RAI14: variants seen among roughly 807,000 people sequenced by gnomAD.
RAI14 encodes ankycorbin.
RAI14 carries 45 observed loss-of-function variants against 115.4 expected under a neutral mutation model. The ratio of observed to expected loss-of-function variants is 0.39; its 90% CI spans 0.31 to 0.50. The LOEUF (loss-of-function observed/expected upper bound fraction) is 0.50, where lower values mean the gene tolerates loss of function less well. Ranked by LOEUF, RAI14 falls within the 20% of genes least tolerant of loss-of-function variation. The pLI is 0.85. For missense variants in RAI14, 939 were observed against 1,131.2 expected (o/e 0.83, Z 2.44); for synonymous variants, 371 against 415.4 (o/e 0.89, Z 1.30).
At chr5:34,812,315 T>G (rs964273597) in intron 10 of RAI14, 107 bp downstream of exon 10, 1 of 993,906 alleles carries the variant, frequency 1.0e-6, no homozygotes, top group South Asian at 1.6e-5. Flanking sequence ...AAAGACTATA[T>G]TGAAAATACT....
At chr5:34,701,815 T>C (rs986282768) in intron 2 of RAI14, among the ~76,000 whole-genome samples, 5 of 141,974 alleles carry the variant, frequency 3.5e-5, no homozygotes, top group African/African-American at 1.3e-4. Flanking sequence ...TGACTCTCCC[T>C]TTTTTTTTTT....
At position 34,663,449 on chromosome 5, in the gene RAI14, G is replaced by A. The variant is rs557608002; in HGVS notation, c.-49+6974G>A. On this transcript the variant is annotated intron_variant, in intron 1 of 17. Coordinates refer to ENST00000265109, the MANE Select transcript of RAI14 (RefSeq NM_015577.3). The stretch of plus-strand genomic sequence containing the variant: ...GAGGATCACCTCAACCCATGAGATC[G>A]AGGGTTGCAGTGAGCCAAAATCTTA... Among the ~76,000 whole-genome samples, 163 of 152,258 alleles carry A rather than the reference G, an allele frequency of 1.1e-3. 1 individual carries two copies. The highest frequency in any genetic ancestry group is 3.8e-3 in the African/African-American group (158 of 41,544).
At chr5:34,772,729 C>A (rs1276007439) in intron 3 of RAI14, among the ~76,000 whole-genome samples, 1 of 152,104 alleles carries the variant, frequency 6.6e-6, no homozygotes, top group East Asian at 1.9e-4. Context: ...TCCGTTGGTC[C>A]CTCCATCATT....
chr5:34,720,392 C>G lies in RAI14; in HGVS notation c.36+33437C>G, dbSNP rs546273218. Among the ~76,000 whole-genome samples, 3 of 149,452 alleles carry G rather than the reference C, an allele frequency of 2.0e-5. No individual in the cohort carries two copies. In the South Asian group the frequency reaches 6.4e-4, roughly 32 times the overall value. On this transcript the variant is annotated intron_variant, in intron 2 of 17. Transcript: ENST00000265109. ...AGACTCTGAAAGTCATTCTATGACC[C>G]TGTCTCAGATTTTTTTTTTTTTTTT...
At chr5:34,713,134 T>C (rs1306315066) in intron 2 of RAI14, among the ~76,000 whole-genome samples, 1 of 152,164 alleles carries the variant, frequency 6.6e-6, no homozygotes, top group Non-Finnish European at 1.5e-5. Context: ...TACCCAACAT[T>C]GTACCCAATA....
At chr5:34,674,501 G>C (rs918786884) in intron 1 of RAI14, among the ~76,000 whole-genome samples, 1 of 151,588 alleles carries the variant, frequency 6.6e-6, no homozygotes, top group Non-Finnish European at 1.5e-5. Context: ...AATAGAACCT[G>C]TTCTCTTACT....
At chr5:34,691,250 T>C (rs186670472) in intron 2 of RAI14, among the ~76,000 whole-genome samples, 1 of 152,278 alleles carries the variant, frequency 6.6e-6, no homozygotes, top group East Asian at 1.9e-4. Flanking sequence ...AATAGTAATA[T>C]TAATAGTTCA....
chr5:34,785,971 G>T (rs978789596), intron 3 of RAI14, among the ~76,000 whole-genome samples: 2 of 152,116 alleles, frequency 1.3e-5, no homozygotes, highest in Non-Finnish European at 2.9e-5. Context: ...CATCCCCGCT[G>T]GCAAGGGTCC....
chr5:34,750,586 G>A (rs1226923341), intron 2 of RAI14, among the ~76,000 whole-genome samples: 1 of 152,142 alleles, frequency 6.6e-6, no homozygotes, highest in Non-Finnish European at 1.5e-5. Flanking sequence ...CTGTGTGTAT[G>A]TGTTTTGTAT....
At chr5:34,753,092 A>G (rs748311827) in intron 2 of RAI14, among the ~76,000 whole-genome samples, 1 of 152,140 alleles carries the variant, frequency 6.6e-6, no homozygotes, top group Non-Finnish European at 1.5e-5. Context: ...CATAGAGTTG[A>G]AAACTATAAG....
At chr5:34,830,540 A>T in intron 17 of RAI14, 148 bp from the exon 18 acceptor site, 2 of 1,381,934 alleles carry the variant, frequency 1.4e-6, no homozygotes, top group Non-Finnish European at 1.9e-6. Flanking sequence ...CCTCATAGAA[A>T]TTTGGGAAAT....
chr5:34,765,300 G>C (rs982024664), intron 3 of RAI14, among the ~76,000 whole-genome samples: 1 of 152,216 alleles, frequency 6.6e-6, no homozygotes, highest in African/African-American at 2.4e-5. Flanking sequence ...GGAACACTTT[G>C]GAGGACTCAG....
At chr5:34,806,116 G>A (rs1489423179) in intron 5 of RAI14, among the ~76,000 whole-genome samples, 2 of 152,194 alleles carry the variant, frequency 1.3e-5, no homozygotes, top group Non-Finnish European at 2.9e-5. Flanking sequence ...CGTGAAGGAG[G>A]TGATATTTAA....
intron 1 of RAI14, among the ~76,000 whole-genome samples, chr5:34,661,776 G>A (rs950320121): frequency 1.3e-5 from 2 of 152,092 alleles, no homozygotes; most frequent in African/African-American, 4.8e-5. Context: ...TATTCCACAC[G>A]ACATCTGCAG....
At chr5:34,720,357 A>C (rs1277919189) in intron 2 of RAI14, among the ~76,000 whole-genome samples, 1 of 150,970 alleles carries the variant, frequency 6.6e-6, no homozygotes, top group Non-Finnish European at 1.5e-5. Context: ...TAAAATGTTC[A>C]ATCGCTTCCA....
At chr5:34,677,077 CT>C (rs1744030837) in intron 1 of RAI14, among the ~76,000 whole-genome samples, 1 of 151,748 alleles carries the variant, frequency 6.6e-6, no homozygotes, top group African/African-American at 2.4e-5. Context: ...CATAAAGCAG[CT>C]TTGTTTTGTA....
intron 2 of RAI14, among the ~76,000 whole-genome samples, chr5:34,699,166 A>T (rs1173108940): frequency 6.6e-6 from 1 of 152,212 alleles, no homozygotes; most frequent in Non-Finnish European, 1.5e-5. Context: ...ACTAAAATAC[A>T]CTTAGCTACT....
At chr5:34,708,260 T>C (rs973097238) in intron 2 of RAI14, among the ~76,000 whole-genome samples, 16 of 150,662 alleles carry the variant, frequency 1.1e-4, no homozygotes, top group African/African-American at 3.9e-4. Context: ...TGGGGTGCAA[T>C]GGCGCGATCT....
At chr5:34,679,148 A>G (rs1039213438) in intron 1 of RAI14, among the ~76,000 whole-genome samples, 2 of 152,178 alleles carry the variant, frequency 1.3e-5, no homozygotes, top group African/African-American at 4.8e-5. Flanking sequence ...GAATCATTGC[A>G]TAGCTCTCTC....
Sources: gnomAD v4.1 joint callset for allele counts (sites outside exome capture counted in the v4.1 genomes callset) on GRCh38, gnomAD v4.1.1 for gene constraint, MANE v1.5 for transcripts, NCBI Gene and HGNC (gene_info 2026-07-23, HGNC 2026-07-21) for gene names.